Variants in CFAP46 observed in about 807,000 individuals in gnomAD.
CFAP46 encodes the protein cilia and flagella associated protein 46.
Under a neutral mutation model 325.7 loss-of-function variants are expected in CFAP46, and 245 were observed. That is an observed-to-expected ratio of 0.75 (90% CI 0.68 to 0.84). The LOEUF (loss-of-function observed/expected upper bound fraction) is 0.84. CFAP46 is among the 40% of genes least tolerant of loss of function. The pLI, the probability that CFAP46 is intolerant of heterozygous loss-of-function variation, is 0.00. For missense variants in CFAP46, 3,346 were observed against 3,543.0 expected (o/e 0.94, Z 1.41); for synonymous variants, 1,523 against 1,495.9 (o/e 1.02, Z -0.42).
intron 32 of CFAP46, among the ~76,000 whole-genome samples, chr10:132,871,025 C>T (rs1200678317): frequency 6.6e-6 from 1 of 152,196 alleles, no homozygotes; most frequent in Admixed American, 6.5e-5. Context: ...TGAAGCCAAT[C>T]CTCATTCACC....
At chr10:132,860,088 A>C (rs960553670) in intron 37 of CFAP46, among the ~76,000 whole-genome samples, 1 of 152,240 alleles carries the variant, frequency 6.6e-6, no homozygotes. Flanking sequence ...TGTGAAAGCT[A>C]TAAGAACACA....
chr10:132,866,415 G>T (rs1182682395), intron 34 of CFAP46, among the ~76,000 whole-genome samples: 1 of 152,096 alleles, frequency 6.6e-6, no homozygotes, highest in African/African-American at 2.4e-5. Flanking sequence ...CTTTTCTCAC[G>T]AATCCCCTTG....
chr10:132,908,675 CAACG>C, intron 21 of CFAP46, 41 bp from the exon 22 acceptor site: 2 of 1,489,488 alleles, frequency 1.3e-6, no homozygotes, highest in South Asian at 2.7e-5. Flanking sequence ...GTGTTAGCAA[CAACG>C]AACTTCCCAC....
At position 132,922,553 on chromosome 10, in the gene CFAP46, C is replaced by T. The variant is rs1017783281; in HGVS notation, c.1412G>A (p.Arg471Gln). The stretch of plus-strand genomic sequence containing the variant: ...GTATAGCGTGGTGCACAGACGCAGC[C>T]GGGTGGAGGCCATCTGGATCCTGTC... The part of the protein sequence containing the change: ...YRDRIQMAST[R>Q]LRLCTTLYQA... Residue 471 changes from arginine (R) to glutamine (Q), a missense_variant, in exon 12 of 58, where the codon CGG becomes CAG. Arg to Gln is a conservative substitution (Grantham distance 43). Coordinates refer to ENST00000368586, the MANE Select transcript of CFAP46 (RefSeq NM_001200049.3). The T allele has an allele frequency of 5.8e-6, 9 of 1,547,878 alleles. No individual in the cohort carries two copies. The highest frequency in any genetic ancestry group is 2.4e-5 in the East Asian group (1 of 40,912).
At chr10:132,833,258 G>T (rs1848180774) in intron 50 of CFAP46, 100 bp downstream of exon 50, 1 of 1,190,812 alleles carries the variant, frequency 8.4e-7, no homozygotes, top group Non-Finnish European at 1.2e-6. Flanking sequence ...AACATTTGAT[G>T]ATTATTTCTT....
At chr10:132,818,889 G>A (rs768675561) in intron 50 of CFAP46, among the ~76,000 whole-genome samples, 3 of 150,966 alleles carry the variant, frequency 2.0e-5, no homozygotes, top group Non-Finnish European at 4.4e-5. Context: ...GAAAGAACAG[G>A]CACACACATC....
In CFAP46 at chr10:132,836,237, C is replaced by T. The variant is rs768330855; in HGVS notation, c.6537-19G>A. ...ACGGGACCTGCTGGCAGGACGTGGG[C>T]CAGGGTCGCAGGCAAGCCATGAAGG... On this transcript the variant is annotated intron_variant, in intron 45 of 57. Coordinates refer to ENST00000368586, the MANE Select transcript of CFAP46 (RefSeq NM_001200049.3). 1.8e-5 allele frequency: 29 copies of T among 1,609,902 alleles called. No individual in the cohort carries two copies. The highest frequency in any genetic ancestry group is 2.5e-5 in the Non-Finnish European group (29 of 1,179,138).
intron 24 of CFAP46, among the ~76,000 whole-genome samples, chr10:132,894,219 G>C (rs1849292060): frequency 6.6e-6 from 1 of 152,246 alleles, no homozygotes; most frequent in African/African-American, 2.4e-5. Context: ...GAAATACTAA[G>C]TCACAAAAAG....
chr10:132,919,943 G>C lies in CFAP46; in HGVS notation c.1730+116C>G, dbSNP rs1849695891. ...CCACCATCCTGGAGCAGGTGGCCTG[G>C]CGAGTCCCCAGACGGCCACATGCAG... is the stretch of plus-strand genomic sequence containing the variant. On this transcript the variant is annotated intron_variant, in intron 14 of 57. Coordinates refer to ENST00000368586, the MANE Select transcript of CFAP46 (RefSeq NM_001200049.3). This position sits in a 1 kb window ranked among gnomAD's most constrained non-coding sequence, Gnocchi z 9.7. The C allele has an allele frequency of 7.5e-7, 1 of 1,328,654 alleles. No individual in the cohort carries two copies. Among genetic ancestry groups the C allele is most frequent in the Admixed American group, 3.4e-5 (1 of 29,422 alleles). 82.3% of individuals were successfully genotyped at this position (1,328,654 alleles called of 1,614,324 possible). A position where few individuals can be genotyped will look rare whatever the true frequency, so the allele number is the denominator to read the frequency against.
rs867681830 is a variant in CFAP46, at chr10:132,817,140, C to T, written c.7118-2226G>A. Among the ~76,000 whole-genome samples the T allele has an allele frequency of 7.2e-5, 11 of 151,744 alleles. No homozygotes were observed. Among genetic ancestry groups the T allele is most frequent in the South Asian group, 2.1e-4 (1 of 4,788 alleles). ...GGGGCTGGCCAACGGCTGCACCCCG[C>T]GGTTTTTGCTTTTTATTGCTTTTTG... On this transcript the variant is annotated intron_variant, in intron 50 of 57. Coordinates refer to ENST00000368586, the MANE Select transcript of CFAP46 (RefSeq NM_001200049.3). This position sits in a 1 kb window ranked among gnomAD's most constrained non-coding sequence, Gnocchi z 4.4.
chr10:132,815,568 C>G (rs771525639), intron 50 of CFAP46, among the ~76,000 whole-genome samples: 2 of 152,216 alleles, frequency 1.3e-5, no homozygotes, highest in Non-Finnish European at 2.9e-5. Flanking sequence ...TTATCAAATG[C>G]TTTTCCCCTG....
chr10:132,880,653 T>C (rs573395950), intron 28 of CFAP46, among the ~76,000 whole-genome samples: 1 of 52,880 alleles, frequency 1.9e-5, no homozygotes, highest in Non-Finnish European at 3.7e-5. Context: ...AGGACAGCAC[T>C]GAGACACGTC....
chr10:132,887,291 TCTTTC>T (rs1849156408), intron 25 of CFAP46, among the ~76,000 whole-genome samples: 1 of 95,784 alleles, frequency 1.0e-5, no homozygotes, highest in African/African-American at 5.2e-5. Context: ...CCTCCCCTCT[TCTTTC>T]CTCTCCCCTC....
At chr10:132,924,507 C>T (rs1849776845) in intron 11 of CFAP46, among the ~76,000 whole-genome samples, 189 bp downstream of exon 11, 1 of 152,260 alleles carries the variant, frequency 6.6e-6, no homozygotes, top group Admixed American at 6.5e-5. Flanking sequence ...CTGGCGCCGC[C>T]AATGCACCAC....
Position 132,919,225 on chromosome 10 carries a change from T to A in CFAP46, c.1858+90A>T. The A allele has an allele frequency of 1.5e-6, 2 of 1,366,698 alleles. No individual in the cohort carries two copies. Among genetic ancestry groups the A allele is most frequent in the African/African-American group, 2.9e-5 (2 of 68,396 alleles). The allele number at this position is 1,366,698 out of a possible 1,614,324, so 84.7% of individuals were successfully genotyped here. A position where few individuals can be genotyped will look rare whatever the true frequency, so the allele number is the denominator to read the frequency against. On this transcript the variant is annotated intron_variant, in intron 15 of 57. Transcript: ENST00000368586. This position sits in a 1 kb window ranked among gnomAD's most constrained non-coding sequence, Gnocchi z 9.7. ...TACGCTTTCTCATGCGAAGGCCCCA[T>A]GGGTTGTCATTGCACGAACCACAAC...
chr10:132,908,394 A>T, intron 22 of CFAP46, 74 bp downstream of exon 22: 1 of 1,513,600 alleles, frequency 6.6e-7, no homozygotes, highest in Non-Finnish European at 9.0e-7. Context: ...CTGCTCCCTG[A>T]TCTGTGATTG....
intron 35 of CFAP46, among the ~76,000 whole-genome samples, 163 bp downstream of exon 35, chr10:132,865,862 G>T (rs188408139): frequency 1.3e-5 from 2 of 152,214 alleles, no homozygotes; most frequent in Non-Finnish European, 2.9e-5. Flanking sequence ...GACAGAGGAC[G>T]CACAGGACTG....
intron 13 of CFAP46, among the ~76,000 whole-genome samples, chr10:132,920,448 G>T (rs541676146): frequency 1.3e-5 from 2 of 152,326 alleles, no homozygotes; most frequent in South Asian, 4.1e-4. Flanking sequence ...AGTCTGCCAA[G>T]ACCCTCCTGC....
rs951417367 is a variant in CFAP46, at chr10:132,919,657, C to A, written c.1731-215G>T. Among the ~76,000 whole-genome samples, 2 of 152,008 alleles carry A rather than the reference C, an allele frequency of 1.3e-5. No individual in the cohort carries two copies. The highest frequency in any genetic ancestry group is 1.5e-5 in the Non-Finnish European group (1 of 67,972). On this transcript the variant is annotated intron_variant, in intron 14 of 57. Coordinates refer to ENST00000368586, the MANE Select transcript of CFAP46 (RefSeq NM_001200049.3). This position sits in a 1 kb window ranked among gnomAD's most constrained non-coding sequence, Gnocchi z 9.7. ...GCTCTCCCTGCCAGCCAGCTGTGCG[C>A]GGCACCTCCCTTCCCTGTGGTGAGA...
Sources: gnomAD v4.1 joint callset for allele counts (sites outside exome capture counted in the v4.1 genomes callset) on GRCh38, gnomAD v4.1.1 for gene constraint, Gnocchi (gnomAD v3.1) non-coding constraint, MANE v1.5 for transcripts, NCBI Gene and HGNC (gene_info 2026-07-23, HGNC 2026-07-21) for gene names.